The following NDST3 variants were observed in gnomAD, a reference collection of about 807,000 sequenced individuals.
NDST3 encodes N-deacetylase and N-sulfotransferase 3, also known as bifunctional heparan sulfate N-deacetylase/N-sulfotransferase 3.
In NDST3, 58 loss-of-function variants were observed where a neutral mutation model predicts 96.1. The ratio of observed to expected loss-of-function variants is 0.60; its 90% CI spans 0.49 to 0.75. The LOEUF (loss-of-function observed/expected upper bound fraction) is 0.75, where lower values mean the gene tolerates loss of function less well. Among genes scored for constraint, NDST3 ranks in the 30% least tolerant of loss-of-function variants. The pLI is 0.00. For synonymous variants in NDST3, 333 were observed against 359.7 expected (o/e 0.93, Z 0.84); for missense variants, 788 against 1,034.2 (o/e 0.76, Z 3.27).
intron 6 of NDST3, among the ~76,000 whole-genome samples, chr4:118,196,787 CT>C (rs1737721169): frequency 6.6e-6 from 1 of 151,440 alleles, no homozygotes. Flanking sequence ...TTTAAAAAAA[CT>C]TTTCGATTCA....
intron 4 of NDST3, among the ~76,000 whole-genome samples, chr4:118,117,513 T>C (rs1286965245): frequency 6.6e-6 from 1 of 152,220 alleles, no homozygotes; most frequent in African/African-American, 2.4e-5. Flanking sequence ...CATTAAGCAT[T>C]AGGGTTACAA....
chr4:118,046,583 C>T lies in NDST3; in HGVS notation c.-155-7173C>T, dbSNP rs192935337. ...CACAGTACAGCCTCTGCTGCCCAGC[C>T]TGGGTGCCTTGCTCCACCTGATTAT... is the stretch of plus-strand genomic sequence containing the variant. On this transcript the variant is annotated intron_variant, in intron 1 of 13. Transcript: ENST00000296499. Among the ~76,000 whole-genome samples, 499 of 152,330 alleles carry T rather than the reference C, an allele frequency of 3.3e-3. 4 individuals carry two copies. The highest frequency in any genetic ancestry group is 0.01 in the Middle Eastern group (3 of 294).
At chr4:118,060,205 T>C (rs551037091) in intron 2 of NDST3, among the ~76,000 whole-genome samples, 14 of 152,268 alleles carry the variant, frequency 9.2e-5, no homozygotes, top group Non-Finnish European at 1.9e-4. Flanking sequence ...TGGTTGATTG[T>C]AAATATTTCC....
At chr4:118,201,694 T>C (rs930847610) in intron 6 of NDST3, among the ~76,000 whole-genome samples, 5 of 152,186 alleles carry the variant, frequency 3.3e-5, no homozygotes, top group Admixed American at 1.3e-4. Context: ...AGGCCATTGT[T>C]GGATGCATAG....
rs527343731 is a variant in NDST3, at chr4:118,108,180, G to A, written c.1069+3075G>A. On this transcript the variant is annotated intron_variant, in intron 3 of 13. Coordinates refer to ENST00000296499, the MANE Select transcript of NDST3 (RefSeq NM_004784.3). ...ATTCAATTATCTCCAACCAGCCCCA[G>A]CCTTGACACATGGGGATTATTACAA... 3.9e-5 allele frequency among the ~76,000 whole-genome samples: 6 copies of A among 152,278 alleles called. No individual in the cohort carries two copies. In the South Asian group the frequency reaches 1.2e-3, roughly 32 times the overall value.
At chr4:118,127,520 C>T (rs1005878100) in intron 4 of NDST3, among the ~76,000 whole-genome samples, 2 of 151,890 alleles carry the variant, frequency 1.3e-5, no homozygotes, top group Non-Finnish European at 2.9e-5. Context: ...TAATTTGTTG[C>T]TGGGTTCTTT....
rs74684396 is a variant in NDST3, at chr4:118,153,533, A to G, written c.1539+9849A>G. Among the ~76,000 whole-genome samples, 866 of 152,310 alleles carry G rather than the reference A, an allele frequency of 5.7e-3. 11 individuals carry two copies. Among genetic ancestry groups the G allele is most frequent in the African/African-American group, 0.02 (832 of 41,564 alleles). On this transcript the variant is annotated intron_variant, in intron 6 of 13. Coordinates refer to ENST00000296499, the MANE Select transcript of NDST3 (RefSeq NM_004784.3). ...TCAGGCATTTAAAACATGTTGTGTA[A>G]TAAGTTTGGCTGGGTGTGGTGGCTC...
At chr4:118,138,499 T>A (rs943847763) in intron 5 of NDST3, among the ~76,000 whole-genome samples, 11 of 152,146 alleles carry the variant, frequency 7.2e-5, no homozygotes, top group African/African-American at 2.7e-4. Flanking sequence ...TAAAAAAAAA[T>A]TACATTTAAC....
At chr4:118,102,766 G>A (rs1051190857) in intron 2 of NDST3, among the ~76,000 whole-genome samples, 3 of 151,920 alleles carry the variant, frequency 2.0e-5, no homozygotes, top group African/African-American at 7.2e-5. Flanking sequence ...GCAAAATCTG[G>A]TTTACAAAAA....
At position 118,037,848 on chromosome 4, in the gene NDST3, C is replaced by G. The variant is rs185853258; in HGVS notation, c.-156+3256C>G. 1.2e-3 allele frequency among the ~76,000 whole-genome samples: 180 copies of G among 152,278 alleles called. 1 individual carries two copies. The highest frequency in any genetic ancestry group is 1.8e-3 in the Non-Finnish European group (121 of 68,014). Reference sequence around the variant, plus strand: ...AACAGAAGAATAATTTACCTGACGCCTTTATTGATGTGTCCATAGAATAGA... The same window carrying G: ...AACAGAAGAATAATTTACCTGACGCGTTTATTGATGTGTCCATAGAATAGA... On this transcript the variant is annotated intron_variant, in intron 1 of 13. Transcript: ENST00000296499.
At chr4:118,215,910 A>G (rs1197084367) in intron 6 of NDST3, among the ~76,000 whole-genome samples, 1 of 152,118 alleles carries the variant, frequency 6.6e-6, no homozygotes, top group Non-Finnish European at 1.5e-5. Context: ...GAAGGCCTCC[A>G]GAGAGGGATG....
At chr4:118,039,053 A>G (rs564982868) in intron 1 of NDST3, among the ~76,000 whole-genome samples, 2 of 152,324 alleles carry the variant, frequency 1.3e-5, no homozygotes, top group African/African-American at 4.8e-5. Context: ...TCCAAAAACT[A>G]ATTGCTTCTT....
chr4:118,047,962 TAAAGGCA>T (rs1724864911), intron 1 of NDST3, among the ~76,000 whole-genome samples: 1 of 152,106 alleles, frequency 6.6e-6, no homozygotes, highest in Non-Finnish European at 1.5e-5. Context: ...GAAAAAATCT[TAAAGGCA>T]GCTAGAGAGA....
rs969053823 is a variant in NDST3 at position 118,205,459 on chromosome 4, T to G, written c.1540-19032T>G. Among the ~76,000 whole-genome samples the G allele has an allele frequency of 1.2e-4, 18 of 144,760 alleles. 2 individuals carry two copies. Among genetic ancestry groups the G allele is most frequent in the African/African-American group, 3.8e-4 (15 of 39,210 alleles). The allele number at this position is 144,760 out of a possible 152,430, so 95.0% of individuals were successfully genotyped here. A position where few individuals can be genotyped will look rare whatever the true frequency, so the allele number is the denominator to read the frequency against. ...TCAGGATATTCCACCCATAATTTGC[T>G]TATCTCATTGTGCTCTAATACATTG... On this transcript the variant is annotated intron_variant, in intron 6 of 13. Coordinates refer to ENST00000296499, the MANE Select transcript of NDST3 (RefSeq NM_004784.3).
chr4:118,152,439 T>C (rs909053172), intron 6 of NDST3, among the ~76,000 whole-genome samples: 1 of 152,310 alleles, frequency 6.6e-6, no homozygotes, highest in South Asian at 2.1e-4. Context: ...GTAAGGTCCA[T>C]AAAAATCAGA....
Position 118,202,576 on chromosome 4 carries a change from A to G in NDST3, c.1540-21915A>G, listed in dbSNP as rs116048562. ...CTAGATATTTCATTTTCTTTTGGCT[A>G]TTGTAAATGGGATTATGTTCTTGAT... is the stretch of plus-strand genomic sequence containing the variant. On this transcript the variant is annotated intron_variant, in intron 6 of 13. Coordinates refer to ENST00000296499, the MANE Select transcript of NDST3 (RefSeq NM_004784.3). 4.1e-3 allele frequency among the ~76,000 whole-genome samples: 620 copies of G among 152,124 alleles called. 6 individuals are homozygous for G. Among genetic ancestry groups the G allele is most frequent in the African/African-American group, 0.014 (599 of 41,508 alleles).
At chr4:118,172,600 T>C (rs1441320067) in intron 6 of NDST3, among the ~76,000 whole-genome samples, 1 of 152,142 alleles carries the variant, frequency 6.6e-6, no homozygotes, top group Non-Finnish European at 1.5e-5. Flanking sequence ...CAAAAAGATA[T>C]GGATCTTTGA....
At chr4:118,140,327 A>G (rs1195597559) in intron 5 of NDST3, among the ~76,000 whole-genome samples, 1 of 152,184 alleles carries the variant, frequency 6.6e-6, no homozygotes, top group Non-Finnish European at 1.5e-5. Context: ...CAGGGATCTT[A>G]TTCTCCTCTG....
intron 6 of NDST3, among the ~76,000 whole-genome samples, chr4:118,221,392 CA>C (rs1739531623): frequency 6.6e-6 from 1 of 152,062 alleles, no homozygotes; most frequent in South Asian, 2.1e-4. Flanking sequence ...TCATGAAAGG[CA>C]TAGTTTATAA....
Sources: gnomAD v4.1 joint callset for allele counts (sites outside exome capture counted in the v4.1 genomes callset) on GRCh38, gnomAD v4.1.1 for gene constraint, MANE v1.5 for transcripts, NCBI Gene and HGNC (gene_info 2026-07-23, HGNC 2026-07-21) for gene names.